The following COMMD1 variants were observed in gnomAD, a reference collection of about 807,000 sequenced individuals.
COMMD1 encodes the protein copper metabolism domain containing 1, also known as COMM domain-containing protein 1.
Under a neutral mutation model 17.2 loss-of-function variants are expected in COMMD1, and 10 were observed. The ratio of observed to expected loss-of-function variants is 0.58; its 90% confidence interval spans 0.36 to 0.99. The LOEUF (loss-of-function observed/expected upper bound fraction) is 0.99. COMMD1 is among the 50% of genes least tolerant of loss of function. COMMD1 has a pLI of 0.01. For synonymous variants in COMMD1, 97 were observed against 91.6 expected, an observed-to-expected ratio of 1.06 and a Z score of -0.34; for missense variants, 270 against 231.8, an observed-to-expected ratio of 1.17 and a Z score of -1.07.
At chr2:61,916,498 T>A (rs1193620676) in intron 1 of COMMD1, among the ~76,000 whole-genome samples, 1 of 152,178 alleles carries the variant, frequency 6.6e-6, no homozygotes, top group Non-Finnish European at 1.5e-5. Context: ...CATAGCTCAC[T>A]GCAGCCTTGA....
chr2:62,011,869 G>T (rs1278585938), intron 2 of COMMD1, among the ~76,000 whole-genome samples: 1 of 152,188 alleles, frequency 6.6e-6, no homozygotes, highest in Non-Finnish European at 1.5e-5. Flanking sequence ...ATCCAGAGCT[G>T]AGAATCATGA....
chr2:61,983,254 A>G (rs899561264), intron 1 of COMMD1, among the ~76,000 whole-genome samples: 9 of 150,368 alleles, frequency 6.0e-5, no homozygotes, highest in African/African-American at 1.7e-4. Context: ...CAGTGGCGCA[A>G]TCTTGGCTTA....
At chr2:61,995,968 G>T (rs1668743475) in intron 1 of COMMD1, among the ~76,000 whole-genome samples, 1 of 152,120 alleles carries the variant, frequency 6.6e-6, no homozygotes, top group Admixed American at 6.5e-5. Context: ...GTTTCCTAGT[G>T]CATTAAAGTT....
intron 2 of COMMD1, among the ~76,000 whole-genome samples, chr2:62,023,923 A>T (rs1669683312): frequency 6.6e-6 from 1 of 152,254 alleles, no homozygotes. Context: ...TTTAAAAAAA[A>T]TCAGTGTTGT....
At position 62,065,681 on chromosome 2, in the gene COMMD1, T is replaced by C. The variant is rs574970033; in HGVS notation, c.462+64699T>C. Among the ~76,000 whole-genome samples, 4 of 152,316 alleles carry C rather than the reference T, an allele frequency of 2.6e-5. 1 individual carries two copies. Among genetic ancestry groups the C allele is most frequent in the African/African-American group, 9.6e-5 (4 of 41,576 alleles). On this transcript the variant is annotated intron_variant, in intron 2 of 2. Transcript: ENST00000311832. ...AATTGTTGCTTTCATTTCAAATGCT[T>C]TACCAGAAATAGTACCATTTAGATC...
At position 61,923,520 on chromosome 2, in the gene COMMD1, A is replaced by G. The variant is rs138781713; in HGVS notation, c.180+17662A>G. The stretch of plus-strand genomic sequence containing the variant: ...ACAGCTTTTAAGTTAGGAGTAGGAA[A>G]TATTTCCACAAGCAGAATAAGGGGT... On this transcript the variant is annotated intron_variant, in intron 1 of 2. Transcript: ENST00000311832. Among the ~76,000 whole-genome samples the G allele has an allele frequency of 2.1e-3, 319 of 152,180 alleles. 1 individual carries two copies. The highest frequency in any genetic ancestry group is 0.017 in the Middle Eastern group (5 of 294).
At chr2:62,060,897 C>G (rs532461148) in intron 2 of COMMD1, among the ~76,000 whole-genome samples, 1 of 151,704 alleles carries the variant, frequency 6.6e-6, no homozygotes, top group Non-Finnish European at 1.5e-5. Flanking sequence ...CTGTTTTTTT[C>G]CCCCAATCTT....
chr2:62,082,864 A>C (rs1671563079), intron 2 of COMMD1, among the ~76,000 whole-genome samples: 1 of 152,200 alleles, frequency 6.6e-6, no homozygotes. Context: ...AAAAATCAAC[A>C]ATTAGAAAAC....
chr2:62,015,145 A>G (rs950541584), intron 2 of COMMD1, among the ~76,000 whole-genome samples: 1 of 152,166 alleles, frequency 6.6e-6, no homozygotes, highest in African/African-American at 2.4e-5. Context: ...TTTAAATCCC[A>G]AACAGAAATT....
chr2:61,904,627 CATATT>C (rs1669728126), upstream of COMMD1, among the ~76,000 whole-genome samples: 1 of 152,206 alleles, frequency 6.6e-6, no homozygotes, highest in Non-Finnish European at 1.5e-5. Flanking sequence ...CCCAAACACA[CATATT>C]ATATTATAAA....
At chr2:62,011,753 C>A (rs1558561366) in intron 2 of COMMD1, among the ~76,000 whole-genome samples, 1 of 151,938 alleles carries the variant, frequency 6.6e-6, no homozygotes, top group African/African-American at 2.4e-5. Context: ...AAGAGCCTTA[C>A]CAAAGCTCAA....
intron 2 of COMMD1, among the ~76,000 whole-genome samples, chr2:62,062,760 G>C (rs116187855): frequency 0.012 from 1,842 of 152,112 alleles, 39 homozygotes; most frequent in African/African-American, 0.041. Context: ...TATTATAGGA[G>C]GTGCTTTTTA....
At position 62,041,007 on chromosome 2, in the gene COMMD1, G is replaced by A. The variant is rs570431206; in HGVS notation, c.462+40025G>A. Reference sequence around the variant, plus strand: ...TTACAGACATGAGCCACTGTGCCTGGCCTTTTTCTTGCCCATTGGTCACTG... The same window carrying A: ...TTACAGACATGAGCCACTGTGCCTGACCTTTTTCTTGCCCATTGGTCACTG... On this transcript the variant is annotated intron_variant, in intron 2 of 2. Transcript: ENST00000311832. Among the ~76,000 whole-genome samples the A allele has an allele frequency of 2.0e-5, 3 of 152,266 alleles. No individual in the cohort carries two copies. In the East Asian group the frequency reaches 5.8e-4, roughly 29 times the overall value.
intron 2 of COMMD1, chr2:62,118,287 C>T (rs1383347248): frequency 6.6e-6 from 1 of 152,204 alleles, no homozygotes; most frequent in African/African-American, 2.4e-5. Flanking sequence ...CAGATGAGAT[C>T]ATGCATGTGA....
intron 2 of COMMD1, among the ~76,000 whole-genome samples, chr2:62,108,931 G>C (rs976997002): frequency 2.0e-5 from 3 of 152,198 alleles, no homozygotes; most frequent in African/African-American, 7.2e-5. Context: ...TAACAGGCTA[G>C]AGCTGAGAAG....
At chr2:62,106,569 C>G (rs1487482758) in intron 2 of COMMD1, among the ~76,000 whole-genome samples, 1 of 152,190 alleles carries the variant, frequency 6.6e-6, no homozygotes, top group Non-Finnish European at 1.5e-5. Flanking sequence ...CCTATCCACA[C>G]TCTAAACAAG....
intron 2 of COMMD1, among the ~76,000 whole-genome samples, chr2:62,036,199 T>A (rs1254423860): frequency 6.6e-6 from 1 of 151,160 alleles, no homozygotes; most frequent in Non-Finnish European, 1.5e-5. Flanking sequence ...AAGATAAACC[T>A]TCTATTTGCT....
intron 2 of COMMD1, among the ~76,000 whole-genome samples, chr2:62,104,202 C>T (rs531933490): frequency 2.6e-5 from 4 of 152,290 alleles, no homozygotes; most frequent in African/African-American, 7.2e-5. Context: ...ATATTCACTG[C>T]ATCCCTTAGG....
intron 2 of COMMD1, among the ~76,000 whole-genome samples, chr2:62,110,489 T>TA (rs1672427982): frequency 6.6e-6 from 1 of 152,204 alleles, no homozygotes; most frequent in Non-Finnish European, 1.5e-5. Context: ...CTGTGATTCT[T>TA]ACATTGACAA....
Sources: allele counts gnomAD v4.1 joint callset (sites outside exome capture counted in the v4.1 genomes callset), GRCh38; gene constraint gnomAD v4.1.1; transcripts MANE v1.5; gene names NCBI Gene and HGNC (gene_info 2026-07-23, HGNC 2026-07-21).